The following RAB27B variants were observed in gnomAD, a reference collection of about 807,000 sequenced individuals.
RAB27B encodes the protein RAB27B, member RAS oncogene family.
RAB27B carries 15 observed loss-of-function variants against 24.6 expected under a neutral mutation model. The ratio of observed to expected loss-of-function variants is 0.61; its 90% CI spans 0.41 to 0.94. The LOEUF is 0.94. Among genes scored for constraint, RAB27B ranks in the 40% least tolerant of loss-of-function variants. The pLI is 0.00. For missense variants in RAB27B, 261 were observed against 266.8 expected, an observed-to-expected ratio of 0.98 and a Z score of 0.15; for synonymous variants, 105 against 92.5, an observed-to-expected ratio of 1.14 and a Z score of -0.78.
At chr18:54,762,386 C>T (rs1174079315) in intron 2 of RAB27B, among the ~76,000 whole-genome samples, 1 of 152,142 alleles carries the variant, frequency 6.6e-6, no homozygotes, top group African/African-American at 2.4e-5. Flanking sequence ...GACGAGGTTT[C>T]ACCGTGTTGG....
chr18:54,723,598 G>C (rs1027531573), intron 2 of RAB27B, among the ~76,000 whole-genome samples: 1 of 152,044 alleles, frequency 6.6e-6, no homozygotes. Context: ...GTATAATTCT[G>C]AGAGAAACAA....
chr18:54,730,390 C>T (rs544946823), intron 2 of RAB27B, among the ~76,000 whole-genome samples: 7 of 152,158 alleles, frequency 4.6e-5, no homozygotes, highest in African/African-American at 4.8e-5. Context: ...AATGCCCTCC[C>T]GTCATCAAGT....
intron 2 of RAB27B, among the ~76,000 whole-genome samples, chr18:54,759,451 T>C (rs560641912): frequency 6.6e-6 from 1 of 152,226 alleles, no homozygotes; most frequent in South Asian, 2.1e-4. Context: ...AGCTCTGTAG[T>C]ATGCTGAAGT....
intron 1 of RAB27B, among the ~76,000 whole-genome samples, chr18:54,863,701 G>A (rs762435284): frequency 2.6e-5 from 4 of 152,140 alleles, no homozygotes; most frequent in South Asian, 2.1e-4. Context: ...TGGCAAAAGC[G>A]CCTATACACT....
Position 54,895,455 on chromosome 18 carries a change from G to T in RAB27B, c.*6042G>T, listed in dbSNP as rs1362741138. 1.3e-5 allele frequency: 2 copies of T among 152,036 alleles called. No homozygotes were observed. Among genetic ancestry groups the T allele is most frequent in the Non-Finnish European group, 2.9e-5 (2 of 67,992 alleles). 9.4% of individuals were successfully genotyped at this position (152,036 alleles called of 1,614,324 possible). ...GTCTGGCTATGAATACTATGGTTGA[G>T]AATTGTATTCAGTGATTGTTTCTGC... is the stretch of plus-strand genomic sequence containing the variant. On this transcript the variant is annotated 3_prime_UTR_variant, in exon 6 of 6. Transcript: ENST00000262094.
Position 54,796,318 on chromosome 18 carries a change from A to C in RAB27B, c.-20+78177A>C, listed in dbSNP as rs577067057. 2.6e-5 allele frequency among the ~76,000 whole-genome samples: 4 copies of C among 152,348 alleles called. No individual in the cohort carries two copies. The East Asian group carries it at 7.7e-4, about 29-fold the overall frequency. Reference sequence around the variant, plus strand: ...TCTTCCATCTTTGCCATCTGCAGACAGCTTGTGCTGATCAGCTCGATAGAC... The same window carrying C: ...TCTTCCATCTTTGCCATCTGCAGACCGCTTGTGCTGATCAGCTCGATAGAC... On this transcript the variant is annotated intron_variant, in intron 2 of 4. Transcript: ENST00000586570.
At chr18:54,733,650 G>GTC (rs1909794792) in intron 2 of RAB27B, among the ~76,000 whole-genome samples, 1 of 92,242 alleles carries the variant, frequency 1.1e-5, no homozygotes, top group Non-Finnish European at 2.3e-5. Context: ...CTGTTCTAGA[G>GTC]CCCCCCCCCC....
chr18:54,818,777 A>G (rs988534458), intron 2 of RAB27B, among the ~76,000 whole-genome samples: 2 of 152,230 alleles, frequency 1.3e-5, no homozygotes, highest in African/African-American at 4.8e-5. Flanking sequence ...TTACAGGTAG[A>G]GAAATGCAAG....
chr18:54,814,350 GTATT>G (rs1033827331), intron 2 of RAB27B, among the ~76,000 whole-genome samples: 38 of 152,272 alleles, frequency 2.5e-4, no homozygotes, highest in African/African-American at 8.4e-4. Context: ...ACATAAATTA[GTATT>G]TGTTTGAACA....
At chr18:54,751,123 C>T (rs965457243) in intron 2 of RAB27B, among the ~76,000 whole-genome samples, 4 of 152,152 alleles carry the variant, frequency 2.6e-5, no homozygotes, top group African/African-American at 7.2e-5. Context: ...CTTTTACACT[C>T]TGGCAGTTTT....
intron 2 of RAB27B, among the ~76,000 whole-genome samples, chr18:54,776,388 C>T (rs369117404): frequency 3.8e-4 from 58 of 152,318 alleles, no homozygotes; most frequent in African/African-American, 1.4e-3. Flanking sequence ...CTGAGCCCTG[C>T]GTTGTGTAGG....
chr18:54,765,562 C>T (rs1908334583), intron 2 of RAB27B, among the ~76,000 whole-genome samples: 2 of 152,046 alleles, frequency 1.3e-5, no homozygotes, highest in Admixed American at 1.3e-4. Context: ...ATTGAAAATC[C>T]CAATGCCTTC....
At chr18:54,866,139 A>G (rs1019532595) in intron 1 of RAB27B, among the ~76,000 whole-genome samples, 7 of 152,126 alleles carry the variant, frequency 4.6e-5, no homozygotes, top group African/African-American at 7.2e-5. Flanking sequence ...GAGAGCCCCC[A>G]GCTAAATTAG....
chr18:54,885,126 G>A (rs1913079801), intron 4 of RAB27B, among the ~76,000 whole-genome samples: 1 of 152,012 alleles, frequency 6.6e-6, no homozygotes, highest in South Asian at 2.1e-4. Flanking sequence ...ATTTTCCTTT[G>A]TTTTACTTGA....
intron 2 of RAB27B, among the ~76,000 whole-genome samples, chr18:54,776,294 C>T (rs1458738822): frequency 6.6e-6 from 1 of 152,300 alleles, no homozygotes; most frequent in Non-Finnish European, 1.5e-5. Flanking sequence ...CCAAGTAAAC[C>T]AAACCTTTTC....
chr18:54,767,605 A>G (rs1489706423), intron 2 of RAB27B, among the ~76,000 whole-genome samples: 1 of 152,164 alleles, frequency 6.6e-6, no homozygotes, highest in Non-Finnish European at 1.5e-5. Context: ...GATGATCGTG[A>G]ATAATAGTAT....
chr18:54,754,214 T>G (rs1197103932), intron 2 of RAB27B, among the ~76,000 whole-genome samples: 1 of 152,110 alleles, frequency 6.6e-6, no homozygotes, highest in Non-Finnish European at 1.5e-5. Context: ...CTGGTGGTTT[T>G]ATAAGTGGTA....
At chr18:54,734,478 T>C (rs931388016) in intron 2 of RAB27B, among the ~76,000 whole-genome samples, 4 of 152,114 alleles carry the variant, frequency 2.6e-5, no homozygotes, top group African/African-American at 9.7e-5. Context: ...ACTGATTGGC[T>C]GTGGTTAATT....
intron 3 of RAB27B, among the ~76,000 whole-genome samples, chr18:54,881,169 C>T (rs1420764): frequency 0.54 from 81,820 of 151,986 alleles, 22,545 homozygotes; most frequent in South Asian, 0.66. Context: ...TCACTCAATG[C>T]GCTAGAAGCC....
Sources: allele counts gnomAD v4.1 joint callset (sites outside exome capture counted in the v4.1 genomes callset), GRCh38; gene constraint gnomAD v4.1.1; transcripts MANE v1.5; gene names NCBI Gene and HGNC (gene_info 2026-07-23, HGNC 2026-07-21).